COL23A1: variants seen among roughly 807,000 people sequenced by gnomAD.
COL23A1 encodes the protein collagen alpha-1(XXIII) chain.
COL23A1 carries 97 observed loss-of-function variants against 99.3 expected under a neutral mutation model. The ratio of observed to expected loss-of-function variants is 0.98; its 90% CI spans 0.83 to 1.16. The LOEUF (loss-of-function observed/expected upper bound fraction) is 1.16. COL23A1 is among the 50% of genes most tolerant of loss of function. The pLI is 0.00. For synonymous variants in COL23A1, 320 were observed against 308.2 expected, an observed-to-expected ratio of 1.04 and a Z score of -0.40; for missense variants, 762 against 757.4, an observed-to-expected ratio of 1.01 and a Z score of -0.07.
At chr5:178,397,593 C>G (rs907570087) in intron 2 of COL23A1, among the ~76,000 whole-genome samples, 1 of 152,190 alleles carries the variant, frequency 6.6e-6, no homozygotes, top group Admixed American at 6.5e-5. Context: ...CCTGGATAAC[C>G]GTTACATGCC....
At chr5:178,241,579 C>G (rs1300265594) in intron 27 of COL23A1, among the ~76,000 whole-genome samples, 1 of 152,210 alleles carries the variant, frequency 6.6e-6, no homozygotes, top group Non-Finnish European at 1.5e-5. Context: ...GCTGGGCACT[C>G]ACTGCCTCCG....
intron 2 of COL23A1, among the ~76,000 whole-genome samples, chr5:178,318,192 G>A (rs1170847899): frequency 4.6e-5 from 7 of 152,206 alleles, no homozygotes; most frequent in African/African-American, 1.4e-4. Context: ...TCCAGAATCC[G>A]CAGGAATAGG....
intron 2 of COL23A1, among the ~76,000 whole-genome samples, chr5:178,485,378 G>A (rs955487050): frequency 5.9e-5 from 9 of 152,178 alleles, no homozygotes; most frequent in Non-Finnish European, 1.0e-4. Context: ...GGCAGGCTGA[G>A]GTGGGAGGAT....
intron 2 of COL23A1, among the ~76,000 whole-genome samples, chr5:178,506,598 TATTAACGCA>T (rs1335039142): frequency 2.1e-4 from 32 of 152,210 alleles, no homozygotes; most frequent in African/African-American, 7.5e-4. Flanking sequence ...CTCCTGACCA[TATTAACGCA>T]ATTATGTGTG....
intron 2 of COL23A1, among the ~76,000 whole-genome samples, chr5:178,482,708 A>G (rs1318278898): frequency 6.6e-6 from 1 of 152,050 alleles, no homozygotes; most frequent in Non-Finnish European, 1.5e-5. Context: ...CCTGGCTAAC[A>G]TGGTGAAACC....
chr5:178,336,067 G>A (rs1271213685), intron 2 of COL23A1, among the ~76,000 whole-genome samples: 1 of 152,210 alleles, frequency 6.6e-6, no homozygotes, highest in Non-Finnish European at 1.5e-5. Context: ...TAAGCCAGGT[G>A]CCCAAGGGAA....
At chr5:178,437,847 C>T (rs184476335) in intron 2 of COL23A1, among the ~76,000 whole-genome samples, 124 of 152,242 alleles carry the variant, frequency 8.1e-4, no homozygotes, top group African/African-American at 2.7e-3. Flanking sequence ...GGACGGGACC[C>T]AGGACCCCAA....
In COL23A1 at chr5:178,290,298, G is replaced by C. The variant is rs916643372; in HGVS notation, c.414+64C>G. On this transcript the variant is annotated intron_variant, in intron 4 of 28. Coordinates refer to ENST00000390654, the MANE Select transcript of COL23A1 (RefSeq NM_173465.4). ...TAACCAAAATTATGTTCATGGAATT[G>C]CAACAGAGAGAGAACCAAACATCTT... The C allele has an allele frequency of 6.8e-6, 11 of 1,610,148 alleles. No individual in the cohort carries two copies. The African/African-American group carries it at 1.2e-4, about 18-fold the overall frequency.
chr5:178,270,514 AG>A, intron 5 of COL23A1, 151 bp from the exon 6 acceptor site: 1 of 859,838 alleles, frequency 1.2e-6, no homozygotes. Flanking sequence ...GGGCTGAGGG[AG>A]GGGAAGGCAT....
chr5:178,360,138 G>A (rs1246085364), intron 2 of COL23A1, among the ~76,000 whole-genome samples: 1 of 152,094 alleles, frequency 6.6e-6, no homozygotes, highest in Non-Finnish European at 1.5e-5. Context: ...CACATCTCCA[G>A]GGATAGCCTC....
intron 2 of COL23A1, among the ~76,000 whole-genome samples, chr5:178,367,020 T>C (rs371950737): frequency 6.6e-6 from 1 of 152,242 alleles, no homozygotes; most frequent in East Asian, 1.9e-4. Flanking sequence ...AACTGAATTT[T>C]ACATGGCAGG....
At position 178,306,545 on chromosome 5, in the gene COL23A1, AG is replaced by A. The variant is rs1758363455; in HGVS notation, c.406+329del. Among the ~76,000 whole-genome samples, 2 of 129,620 alleles carry A rather than the reference AG, an allele frequency of 1.5e-5. No individual in the cohort carries two copies. Among genetic ancestry groups the A allele is most frequent in the Middle Eastern group, 5.0e-3 (1 of 200 alleles). The allele number at this position is 129,620 out of a possible 152,430, so 85.0% of individuals were successfully genotyped here. ...GGTTGTGCTGAAGGACCCATGGGGG[AG>A]GGTGTGGCTGGCGGAGTCATCACCT... On this transcript the variant is annotated intron_variant, in intron 3 of 28. Coordinates refer to ENST00000390654, the MANE Select transcript of COL23A1 (RefSeq NM_173465.4). The surrounding 1 kb of genome is among the most constrained non-coding windows in gnomAD (Gnocchi z 4.1).
chr5:178,391,158 T>C (rs1247582987), intron 2 of COL23A1, among the ~76,000 whole-genome samples: 1 of 152,232 alleles, frequency 6.6e-6, no homozygotes, highest in Admixed American at 6.5e-5. Flanking sequence ...ATCCAGGCTG[T>C]GCACTCCTTA....
intron 2 of COL23A1, among the ~76,000 whole-genome samples, chr5:178,518,209 G>GC (rs1759672368): frequency 7.7e-6 from 1 of 129,868 alleles, no homozygotes; most frequent in Non-Finnish European, 1.7e-5. Context: ...GCACGGGGTT[G>GC]GGGGTAAGGT....
At chr5:178,374,303 C>A (rs1416958571) in intron 2 of COL23A1, among the ~76,000 whole-genome samples, 1 of 152,160 alleles carries the variant, frequency 6.6e-6, no homozygotes, top group Non-Finnish European at 1.5e-5. Context: ...CTCCACCTCT[C>A]TCCACTGCAC....
intron 2 of COL23A1, among the ~76,000 whole-genome samples, chr5:178,338,014 C>A (rs912340101): frequency 3.9e-5 from 6 of 152,190 alleles, no homozygotes; most frequent in African/African-American, 1.4e-4. Context: ...GAAGTGGCAG[C>A]CACTGTTATC....
At chr5:178,562,330 G>A (rs946357680) in intron 1 of COL23A1, 3 of 233,514 alleles carry the variant, frequency 1.3e-5, no homozygotes, top group Admixed American at 5.6e-5. Context: ...CGAGGCCGGC[G>A]GATCACGAGG....
At chr5:178,492,823 T>C (rs1052491875) in intron 2 of COL23A1, among the ~76,000 whole-genome samples, 3 of 152,052 alleles carry the variant, frequency 2.0e-5, no homozygotes, top group Admixed American at 6.6e-5. Context: ...CTCTCTGTAG[T>C]AGAATGCCAG....
intron 2 of COL23A1, among the ~76,000 whole-genome samples, chr5:178,548,409 G>A (rs924133794): frequency 6.6e-6 from 1 of 152,060 alleles, no homozygotes; most frequent in Admixed American, 6.5e-5. Context: ...AGTGGCACCA[G>A]TGAGTTCCCA....
Sources: allele counts gnomAD v4.1 joint callset (sites outside exome capture counted in the v4.1 genomes callset), GRCh38; gene constraint gnomAD v4.1.1; non-coding constraint Gnocchi (gnomAD v3.1); transcripts MANE v1.5; gene names NCBI Gene and HGNC (gene_info 2026-07-23, HGNC 2026-07-21).